Variants in PDE7B observed in about 807,000 individuals in gnomAD.
PDE7B encodes 3',5'-cyclic-AMP phosphodiesterase 7B.
In PDE7B, 29 loss-of-function variants were observed where a neutral mutation model predicts 56.2. That is an observed-to-expected ratio of 0.52 (90% CI 0.38 to 0.70). The LOEUF is 0.70. Ranked by LOEUF, PDE7B falls within the 30% of genes least tolerant of loss-of-function variation. PDE7B has a pLI of 0.00. For synonymous variants in PDE7B, 197 were observed against 196.9 expected (o/e 1.00, Z 0.00); for missense variants, 490 against 565.0 (o/e 0.87, Z 1.35).
chr6:135,919,051 A>T (rs1774013404), intron 1 of PDE7B, among the ~76,000 whole-genome samples: 1 of 152,218 alleles, frequency 6.6e-6, no homozygotes, highest in South Asian at 2.1e-4. Context: ...AAATATTATT[A>T]TATCACTTTT....
chr6:136,126,264 T>A (rs1394147413), intron 3 of PDE7B, among the ~76,000 whole-genome samples: 1 of 152,116 alleles, frequency 6.6e-6, no homozygotes, highest in Non-Finnish European at 1.5e-5. Context: ...TGTCCACCAC[T>A]CCCTCCTCTC....
chr6:136,010,387 TTC>T, intron 2 of PDE7B, among the ~76,000 whole-genome samples: 1 of 145,674 alleles, frequency 6.9e-6, no homozygotes, highest in African/African-American at 2.6e-5. Context: ...CATTATTCCC[TTC>T]TTTTTTTTTT....
intron 1 of PDE7B, among the ~76,000 whole-genome samples, chr6:135,873,975 A>AATTC (rs559550268): frequency 3.9e-4 from 59 of 152,220 alleles, no homozygotes; most frequent in Non-Finnish European, 7.6e-4. Flanking sequence ...GATCATAATA[A>AATTC]ATTCAATCCA....
intron 1 of PDE7B, among the ~76,000 whole-genome samples, chr6:135,879,908 T>C (rs1306615089): frequency 6.6e-6 from 1 of 152,176 alleles, no homozygotes; most frequent in Non-Finnish European, 1.5e-5. Flanking sequence ...CTCTTAGACA[T>C]TGGGAATGAT....
intron 2 of PDE7B, among the ~76,000 whole-genome samples, chr6:135,950,940 C>T (rs1004981878): frequency 2.0e-5 from 3 of 152,252 alleles, no homozygotes; most frequent in Middle Eastern, 3.4e-3. Flanking sequence ...TTCAATGCAG[C>T]TTTAAATGGA....
At chr6:136,138,911 C>T (rs974208347) in intron 3 of PDE7B, among the ~76,000 whole-genome samples, 1 of 152,098 alleles carries the variant, frequency 6.6e-6, no homozygotes, top group East Asian at 1.9e-4. Context: ...TACAAGGCAT[C>T]ATAGAAAATT....
chr6:135,930,946 AAT>A (rs745876275), intron 1 of PDE7B, among the ~76,000 whole-genome samples: 7 of 152,190 alleles, frequency 4.6e-5, no homozygotes, highest in Admixed American at 3.3e-4. Flanking sequence ...TGATAATCAA[AAT>A]AGTTTCCTTA....
At chr6:135,915,327 G>T (rs951977481) in intron 1 of PDE7B, among the ~76,000 whole-genome samples, 2 of 152,172 alleles carry the variant, frequency 1.3e-5, no homozygotes, top group Non-Finnish European at 2.9e-5. Flanking sequence ...GGGTCAGAGG[G>T]TGGGTGTATG....
intron 9 of PDE7B, among the ~76,000 whole-genome samples, chr6:136,176,085 A>G (rs1261356211): frequency 1.3e-5 from 2 of 151,986 alleles, no homozygotes; most frequent in Admixed American, 6.6e-5. Flanking sequence ...GATCATTGCT[A>G]TTTCTTTAGA....
chr6:136,075,215 A>G (rs190701773), intron 2 of PDE7B, among the ~76,000 whole-genome samples: 79 of 152,260 alleles, frequency 5.2e-4, no homozygotes, highest in Admixed American at 3.9e-3. Flanking sequence ...AGACTCAAAT[A>G]TTTCAAAGCA....
intron 2 of PDE7B, among the ~76,000 whole-genome samples, chr6:136,005,918 C>A (rs576038826): frequency 6.6e-6 from 1 of 151,694 alleles, no homozygotes; most frequent in African/African-American, 2.4e-5. Context: ...ATGTTTATTG[C>A]GGCACTATTC....
At chr6:136,164,092 T>C (rs554646761) in intron 8 of PDE7B, among the ~76,000 whole-genome samples, 25 of 152,308 alleles carry the variant, frequency 1.6e-4, no homozygotes, top group Non-Finnish European at 2.5e-4. Flanking sequence ...CTCATGTTGC[T>C]ATAAGGACAT....
chr6:135,982,113 C>G (rs1483896279), intron 2 of PDE7B, among the ~76,000 whole-genome samples: 1 of 152,138 alleles, frequency 6.6e-6, no homozygotes, highest in Admixed American at 6.5e-5. Context: ...CCTGACCCCC[C>G]CTCTTTCTAG....
chr6:135,981,340 C>T (rs554853479), intron 2 of PDE7B, among the ~76,000 whole-genome samples: 3 of 150,150 alleles, frequency 2.0e-5, no homozygotes, highest in Non-Finnish European at 3.0e-5. Flanking sequence ...TGCTAGATGA[C>T]GAGTTAGAGG....
Position 136,187,098 on chromosome 6 carries a change from A to C in PDE7B, c.1108A>C (p.Ile370Leu). Residue 370 changes from isoleucine (I) to leucine (L), a missense_variant, in exon 12 of 13, where the codon ATC (isoleucine) becomes CTC (leucine). Ile to Leu is a conservative substitution (Grantham distance 5). Transcript: ENST00000308191. ...TCTTTGTAATCAACAGAAAGATTCC[A>C]TCCCTAGTATACAAATTGGTGAGTT... ...SPLCNQQKDSIPSIQIGFMSY... is the reference protein window; with the variant it reads ...SPLCNQQKDSLPSIQIGFMSY... 1 of 1,562,150 alleles carries C rather than the reference A, an allele frequency of 6.4e-7. No individual in the cohort carries two copies. The highest frequency in any genetic ancestry group is 8.8e-7 in the Non-Finnish European group (1 of 1,133,850).
intron 2 of PDE7B, among the ~76,000 whole-genome samples, chr6:136,066,858 T>C (rs1776945757): frequency 6.6e-6 from 1 of 151,742 alleles, no homozygotes; most frequent in East Asian, 1.9e-4. Context: ...TAACCTTTTT[T>C]TTTTTTTTTT....
At chr6:135,901,617 G>A (rs1776001730) in intron 1 of PDE7B, among the ~76,000 whole-genome samples, 1 of 152,084 alleles carries the variant, frequency 6.6e-6, no homozygotes, top group Admixed American at 6.6e-5. Context: ...AGCTCTAGGT[G>A]GACAAGTCAA....
At chr6:135,873,476 A>G (rs1775427952) in intron 1 of PDE7B, among the ~76,000 whole-genome samples, 1 of 152,114 alleles carries the variant, frequency 6.6e-6, no homozygotes, top group Non-Finnish European at 1.5e-5. Flanking sequence ...AGGATTATTG[A>G]ATTATCTTTT....
At chr6:136,042,915 A>G (rs1776437274) in intron 2 of PDE7B, among the ~76,000 whole-genome samples, 1 of 152,212 alleles carries the variant, frequency 6.6e-6, no homozygotes, top group African/African-American at 2.4e-5. Context: ...GGATTTATGA[A>G]TCAGAGCTCT....
Sources: allele counts gnomAD v4.1 joint callset (sites outside exome capture counted in the v4.1 genomes callset), GRCh38; gene constraint gnomAD v4.1.1; transcripts MANE v1.5; gene names NCBI Gene and HGNC (gene_info 2026-07-23, HGNC 2026-07-21).